Variants in CCNG2 observed in about 807,000 individuals in gnomAD.
CCNG2 encodes the protein cyclin-G2.
A neutral mutation model predicts 36.5 loss-of-function variants in CCNG2; 20 were observed. That is an observed-to-expected ratio of 0.55 (90% confidence interval 0.39 to 0.80). The LOEUF (loss-of-function observed/expected upper bound fraction) is 0.80, where lower values mean the gene tolerates loss of function less well. CCNG2 is among the 30% of genes least tolerant of loss of function. The probability of loss-of-function intolerance (pLI) is 0.00; values close to 1 mark genes in which losing one functional copy is unlikely to be tolerated. For synonymous variants in CCNG2, 155 were observed against 140.1 expected (o/e 1.11, Z -0.75); for missense variants, 358 against 390.8 (o/e 0.92, Z 0.71).
intron 2 of CCNG2, 116 bp from the exon 3 acceptor site, chr4:77,159,251 G>GGGAAAAAAATTAACCTTATTCTT: frequency 1.1e-6 from 1 of 875,762 alleles, no homozygotes; most frequent in Non-Finnish European, 1.7e-6. Flanking sequence ...TGAAGATTGA[G>GGGAAAAAAATTAACCTTATTCTT]GGAAAAAAAT....
intron 3 of CCNG2, 92 bp from the exon 4 acceptor site, chr4:77,160,629 T>C: frequency 7.9e-7 from 1 of 1,263,290 alleles, no homozygotes; most frequent in East Asian, 2.3e-5. Context: ...GATTGTGTTC[T>C]GTCTTAAGAA....
chr4:77,165,507 A>G (rs939998076), intron 7 of CCNG2, among the ~76,000 whole-genome samples: 1 of 150,948 alleles, frequency 6.6e-6, no homozygotes, highest in Non-Finnish European at 1.5e-5. Context: ...GGATTTTGCC[A>G]TGTTGCCCAG....
chr4:77,158,747 T>TTG, intron 2 of CCNG2, 77 bp downstream of exon 2: 1 of 1,512,310 alleles, frequency 6.6e-7, no homozygotes. Flanking sequence ...CCCCGTTGAA[T>TTG]CATGACTAAA....
intron 3 of CCNG2, 120 bp from the exon 4 acceptor site, chr4:77,160,601 A>G (rs1166012319): frequency 1.0e-6 from 1 of 968,654 alleles, no homozygotes; most frequent in Non-Finnish European, 1.5e-6. Flanking sequence ...GAGCCAGTAC[A>G]TATAAGAGAA....
intron 3 of CCNG2, 107 bp from the exon 4 acceptor site, chr4:77,160,613 CA>C: frequency 9.1e-7 from 1 of 1,100,740 alleles, no homozygotes; most frequent in Non-Finnish European, 1.3e-6. Flanking sequence ...ATAAGAGAAA[CA>C]ACTTGATTGT....
Position 77,166,033 on chromosome 4 carries a change from G to A in CCNG2, c.*109G>A, listed in dbSNP as rs1489755488. 5 of 973,036 alleles carry A rather than the reference G, an allele frequency of 5.1e-6. No homozygotes were observed. The highest frequency in any genetic ancestry group is 1.7e-5 in the African/African-American group (1 of 60,356). The allele number at this position is 973,036 out of a possible 1,614,324, so 60.3% of individuals were successfully genotyped here. On this transcript the variant is annotated 3_prime_UTR_variant, in exon 8 of 8. Coordinates refer to ENST00000316355, the MANE Select transcript of CCNG2 (RefSeq NM_004354.3). ...CATCTAGTCAGGAATTAATATACTG[G>A]AATACCTACCTTCTATTTGTTATTC...
chr4:77,158,189 T>TA (rs1231911864), intron 1 of CCNG2: 2 of 279,106 alleles, frequency 7.2e-6, no homozygotes, highest in Non-Finnish European at 1.4e-5. Flanking sequence ...TGCAGTCCCC[T>TA]GGGCAGAAGG....
chr4:77,164,651 A>G (rs1731579474), intron 7 of CCNG2, 172 bp downstream of exon 7: 2 of 549,310 alleles, frequency 3.6e-6, no homozygotes, highest in Admixed American at 3.4e-5. Flanking sequence ...TAGTATTTTA[A>G]TATGTAATGA....
At position 77,169,949 on chromosome 4, in the gene CCNG2, A is replaced by C. The variant is rs1731724647; in HGVS notation, c.*4025A>C. The C allele has an allele frequency of 6.6e-6, 1 of 152,154 alleles. No individual in the cohort carries two copies. Among genetic ancestry groups the C allele is most frequent in the South Asian group, 2.1e-4 (1 of 4,830 alleles). The allele number at this position is 152,154 out of a possible 1,614,324, so 9.4% of individuals were successfully genotyped here. A position where few individuals can be genotyped will look rare whatever the true frequency, so the allele number is the denominator to read the frequency against. Reference sequence around the variant, plus strand: ...TCAAATGGTGATTATCTCTGGTGAGATTACAGGTGATGTTTTTTTTAAGTT... The same window carrying C: ...TCAAATGGTGATTATCTCTGGTGAGCTTACAGGTGATGTTTTTTTTAAGTT... On this transcript the variant is annotated 3_prime_UTR_variant, in exon 8 of 8. Coordinates refer to ENST00000316355, the MANE Select transcript of CCNG2 (RefSeq NM_004354.3).
In CCNG2 at chr4:77,164,244, C is replaced by T. The variant is rs1460446594; in HGVS notation, c.706-30C>T. The stretch of plus-strand genomic sequence containing the variant: ...GTGCAGCAAGATTTGGGAGACATTG[C>T]CGTAACCTCTTAAAATATTTTTTTT... On this transcript the variant is annotated intron_variant, in intron 6 of 7. Coordinates refer to ENST00000316355, the MANE Select transcript of CCNG2 (RefSeq NM_004354.3). The T allele has an allele frequency of 1.9e-6, 3 of 1,553,536 alleles. No homozygotes were observed. The East Asian group carries it at 6.7e-5, about 35-fold the overall frequency.
At position 77,167,311 on chromosome 4, in the gene CCNG2, T is replaced by C. The variant is rs1731654734; in HGVS notation, c.*1387T>C. 6.6e-6 allele frequency: 1 copy of C among 152,216 alleles called. No individual in the cohort carries two copies. Among genetic ancestry groups the C allele is most frequent in the African/African-American group, 2.4e-5 (1 of 41,442 alleles). 9.4% of individuals were successfully genotyped at this position (152,216 alleles called of 1,614,324 possible). A position where few individuals can be genotyped will look rare whatever the true frequency, so the allele number is the denominator to read the frequency against. On this transcript the variant is annotated 3_prime_UTR_variant, in exon 8 of 8. Coordinates refer to ENST00000316355, the MANE Select transcript of CCNG2 (RefSeq NM_004354.3). The stretch of plus-strand genomic sequence containing the variant: ...GGCTACAGTGATTCCAGAGTGAGCC[T>C]TCTAACTGGCTAGCAGAAGTTCTCT...
At position 77,169,249 on chromosome 4, in the gene CCNG2, C is replaced by A. The variant is rs1359936711; in HGVS notation, c.*3325C>A. On this transcript the variant is annotated 3_prime_UTR_variant, in exon 8 of 8. Transcript: ENST00000316355. Reference sequence around the variant, plus strand: ...ATGGTGTTCCTGCTACCTCCCACCTCCCTCCTCCCTCATCACACATGCAAA... The same window carrying A: ...ATGGTGTTCCTGCTACCTCCCACCTACCTCCTCCCTCATCACACATGCAAA... 2.0e-5 allele frequency: 3 copies of A among 152,198 alleles called. No homozygotes were observed. Among genetic ancestry groups the A allele is most frequent in the African/African-American group, 7.2e-5 (3 of 41,448 alleles). 9.4% of individuals were successfully genotyped at this position (152,198 alleles called of 1,614,324 possible). A position where few individuals can be genotyped will look rare whatever the true frequency, so the allele number is the denominator to read the frequency against.
chr4:77,162,773 A>C (rs766752610), intron 6 of CCNG2, among the ~76,000 whole-genome samples: 11 of 152,078 alleles, frequency 7.2e-5, no homozygotes, highest in Non-Finnish European at 1.3e-4. Flanking sequence ...AATCTTTGAC[A>C]GTGAAAGTTT....
intron 3 of CCNG2, among the ~76,000 whole-genome samples, chr4:77,160,216 A>T (rs945770994): frequency 2.6e-5 from 4 of 152,092 alleles, no homozygotes; most frequent in Non-Finnish European, 5.9e-5. Flanking sequence ...TAAAAAGCTT[A>T]ATTTATTTTG....
At chr4:77,161,037 A>G in intron 4 of CCNG2, 66 bp downstream of exon 4, 1 of 1,176,718 alleles carries the variant, frequency 8.5e-7, no homozygotes, top group Admixed American at 2.5e-5. Flanking sequence ...AATAATTGGA[A>G]TGGCAATGAA....
Position 77,159,515 on chromosome 4 carries a change from A to G in CCNG2, c.276+11A>G. The G allele has an allele frequency of 6.2e-7, 1 of 1,607,674 alleles. No individual in the cohort carries two copies. The highest frequency in any genetic ancestry group is 1.7e-4 in the Middle Eastern group (1 of 6,024). ...TTGGCTCTTATGAAGGTATTTCATCATTTTTATAAATATGTCTTCCTTTTT... is the reference window on the plus strand; with the variant it reads ...TTGGCTCTTATGAAGGTATTTCATCGTTTTTATAAATATGTCTTCCTTTTT... On this transcript the variant is annotated intron_variant, in intron 3 of 7. Coordinates refer to ENST00000316355, the MANE Select transcript of CCNG2 (RefSeq NM_004354.3).
In CCNG2 at chr4:77,167,786, G is replaced by GGGGTATGTTTTCCTAC. The variant is rs1381914071; in HGVS notation, c.*1863_*1878dup. 1 of 152,154 alleles carries GGGGTATGTTTTCCTAC rather than the reference G, an allele frequency of 6.6e-6. No homozygotes were observed. The highest frequency in any genetic ancestry group is 6.6e-5 in the Admixed American group (1 of 15,266). 9.4% of individuals were successfully genotyped at this position (152,154 alleles called of 1,614,324 possible). A position where few individuals can be genotyped will look rare whatever the true frequency, so the allele number is the denominator to read the frequency against. On this transcript the variant is annotated 3_prime_UTR_variant, in exon 8 of 8. Coordinates refer to ENST00000316355, the MANE Select transcript of CCNG2 (RefSeq NM_004354.3). Reference sequence around the variant, plus strand: ...ATGTAACACCTCTTCTCTGGAGATAGGGGTATGTTTTCCTACCCTTCTAGT... The same window carrying GGGGTATGTTTTCCTAC: ...ATGTAACACCTCTTCTCTGGAGATAGGGGTATGTTTTCCTACGGGTATGTTTTCCTACCCTTCTAGT...
intron 6 of CCNG2, 28 bp from the exon 7 acceptor site, chr4:77,164,246 G>C: frequency 6.4e-7 from 1 of 1,565,950 alleles, no homozygotes; most frequent in Non-Finnish European, 8.8e-7. Flanking sequence ...AGACATTGCC[G>C]TAACCTCTTA....
chr4:77,160,708 G>GT lies in CCNG2; in HGVS notation c.277-6dup, dbSNP rs756707078. On this transcript the variant is annotated splice_polypyrimidine_tract_variant and intron_variant, in intron 3 of 7. Coordinates refer to ENST00000316355, the MANE Select transcript of CCNG2 (RefSeq NM_004354.3). ...TGACAGTTGTTAAAAGAAGCCTCTT[G>GT]TTTTTTTCTCAGGTGAAACCTAAAC... 9 of 1,604,512 alleles carry GT rather than the reference G, an allele frequency of 5.6e-6. No homozygotes were observed. In the Admixed American group the frequency reaches 1.0e-4, roughly 18 times the overall value.
Sources: allele counts gnomAD v4.1 joint callset (sites outside exome capture counted in the v4.1 genomes callset), GRCh38; gene constraint gnomAD v4.1.1; transcripts MANE v1.5; gene names NCBI Gene and HGNC (gene_info 2026-07-23, HGNC 2026-07-21).